RBFOX1: variants seen among roughly 807,000 people sequenced by gnomAD.
RBFOX1 encodes RNA binding fox-1 homolog 1.
RBFOX1 carries 8 observed loss-of-function variants against 57.7 expected under a neutral mutation model. The observed-to-expected ratio is 0.14, with a 90% confidence interval of 0.08 to 0.25. RBFOX1 has a LOEUF of 0.25. Among genes scored for constraint, RBFOX1 ranks in the 10% least tolerant of loss-of-function variants. The probability of loss-of-function intolerance (pLI) is 1.00; values close to 1 mark genes in which losing one functional copy is unlikely to be tolerated. For synonymous variants in RBFOX1, 326 were observed against 222.4 expected, an observed-to-expected ratio of 1.47 and a Z score of -4.15; for missense variants, 611 against 548.5, an observed-to-expected ratio of 1.11 and a Z score of -1.14.
chr16:6,093,831 G>A (rs879327695), intron 1 of RBFOX1, among the ~76,000 whole-genome samples: 3 of 151,730 alleles, frequency 2.0e-5, no homozygotes, highest in Non-Finnish European at 4.4e-5. Flanking sequence ...TGTTGCCCAG[G>A]CTGATCTCAA....
Position 6,476,213 on chromosome 16 carries a change from A to C in RBFOX1, c.-64+159156A>C, listed in dbSNP as rs546601514. The stretch of plus-strand genomic sequence containing the variant: ...AAAGAAGAAAATAATAAGCACCTAT[A>C]ATCTCACTAGCAAATACTACCCATT... On this transcript the variant is annotated intron_variant, in intron 2 of 15. Transcript: ENST00000550418. Among the ~76,000 whole-genome samples the C allele has an allele frequency of 1.3e-3, 197 of 152,306 alleles. 1 individual carries two copies. The highest frequency in any genetic ancestry group is 4.4e-3 in the African/African-American group (184 of 41,574).
chr16:7,207,291 C>T (rs558246803), intron 4 of RBFOX1, among the ~76,000 whole-genome samples: 3 of 152,262 alleles, frequency 2.0e-5, no homozygotes, highest in South Asian at 2.1e-4. Flanking sequence ...ATTCTGCTAG[C>T]TTCAGGTTGG....
intron 3 of RBFOX1, among the ~76,000 whole-genome samples, chr16:5,671,197 C>G (rs1392556386): frequency 2.0e-5 from 3 of 152,192 alleles, no homozygotes; most frequent in Non-Finnish European, 2.9e-5. Flanking sequence ...AGGAGGTTTT[C>G]TTTGAAAGTT....
chr16:6,895,936 G>GTA (rs140653522), intron 3 of RBFOX1, among the ~76,000 whole-genome samples: 73 of 151,654 alleles, frequency 4.8e-4, no homozygotes, highest in African/African-American at 1.3e-3. Flanking sequence ...TACATAGTAG[G>GTA]TATATATATA....
chr16:6,894,128 G>C (rs145757451), intron 3 of RBFOX1, among the ~76,000 whole-genome samples: 196 of 152,310 alleles, frequency 1.3e-3, no homozygotes, highest in Middle Eastern at 3.4e-3. Context: ...ATAGATTATG[G>C]ACAGAGATAG....
chr16:5,787,722 C>T (rs555131836), intron 3 of RBFOX1, among the ~76,000 whole-genome samples: 3 of 152,274 alleles, frequency 2.0e-5, no homozygotes, highest in South Asian at 2.1e-4. Context: ...GAGGGTGACA[C>T]CACCAGCCAA....
At chr16:5,858,221 G>C (rs572221556) in intron 3 of RBFOX1, among the ~76,000 whole-genome samples, 1 of 152,244 alleles carries the variant, frequency 6.6e-6, no homozygotes, top group African/African-American at 2.4e-5. Flanking sequence ...TTACCCCAAA[G>C]ACAGCAGGTT....
At chr16:5,897,373 C>A (rs1382422233) in intron 4 of RBFOX1, among the ~76,000 whole-genome samples, 2 of 152,162 alleles carry the variant, frequency 1.3e-5, no homozygotes, top group African/African-American at 4.8e-5. Flanking sequence ...TTCCACTCTG[C>A]TTTCTTTTCT....
At chr16:7,642,541 T>G (rs1026467558) in intron 11 of RBFOX1, among the ~76,000 whole-genome samples, 2 of 152,198 alleles carry the variant, frequency 1.3e-5, no homozygotes, top group African/African-American at 2.4e-5. Context: ...GGAAGCTAAT[T>G]TATCTCACTT....
chr16:5,619,678 C>T (rs1003375447), intron 3 of RBFOX1, among the ~76,000 whole-genome samples: 16 of 152,176 alleles, frequency 1.1e-4, no homozygotes, highest in Admixed American at 4.6e-4. Context: ...CTCTGCCCAG[C>T]TGTTGCCAGA....
intron 3 of RBFOX1, among the ~76,000 whole-genome samples, chr16:6,982,382 T>C (rs1265308581): frequency 1.3e-5 from 2 of 152,254 alleles, no homozygotes; most frequent in South Asian, 4.1e-4. Flanking sequence ...GTGAGAACAC[T>C]GAATATCATT....
chr16:6,795,597 C>A (rs2083821901), intron 3 of RBFOX1, among the ~76,000 whole-genome samples: 2 of 151,924 alleles, frequency 1.3e-5, no homozygotes, highest in South Asian at 4.2e-4. Context: ...GAAACCCTGT[C>A]TCTACTAAAA....
At chr16:7,542,054 G>A (rs900820457) in intron 5 of RBFOX1, among the ~76,000 whole-genome samples, 14 of 152,194 alleles carry the variant, frequency 9.2e-5, no homozygotes, top group African/African-American at 2.7e-4. Context: ...GGTACTGGCA[G>A]CTTTCGTGGG....
intron 2 of RBFOX1, among the ~76,000 whole-genome samples, chr16:5,510,605 T>G (rs1336587213): frequency 6.6e-6 from 1 of 152,024 alleles, no homozygotes; most frequent in South Asian, 2.1e-4. Context: ...TAGGGGGAGA[T>G]GAAAAATGGG....
intron 4 of RBFOX1, among the ~76,000 whole-genome samples, chr16:7,352,203 G>A (rs926993664): frequency 6.6e-6 from 1 of 152,116 alleles, no homozygotes; most frequent in East Asian, 1.9e-4. Flanking sequence ...GCAGCTTTGA[G>A]GTGGAAAACA....
chr16:6,285,656 A>G (rs2076830075), intron 1 of RBFOX1, among the ~76,000 whole-genome samples: 2 of 152,238 alleles, frequency 1.3e-5, no homozygotes, highest in South Asian at 4.1e-4. Context: ...GTTGGCTTGA[A>G]TCTGTTCCCT....
At chr16:7,181,453 A>G (rs927250154) in intron 4 of RBFOX1, among the ~76,000 whole-genome samples, 1 of 152,148 alleles carries the variant, frequency 6.6e-6, no homozygotes, top group African/African-American at 2.4e-5. Flanking sequence ...TGGTAAGGCT[A>G]GTAGTAGAAA....
chr16:6,277,458 CAAAAAAA>C (rs59733415), intron 1 of RBFOX1, among the ~76,000 whole-genome samples: 1 of 80,826 alleles, frequency 1.2e-5, no homozygotes, highest in Non-Finnish European at 2.4e-5. Flanking sequence ...GTCTGTCTCC[CAAAAAAA>C]AAAAAAAAAA....
intron 2 of RBFOX1, among the ~76,000 whole-genome samples, chr16:5,576,858 A>C (rs1239764705): frequency 6.6e-6 from 1 of 152,226 alleles, no homozygotes; most frequent in African/African-American, 2.4e-5. Flanking sequence ...TAGAGGGAAG[A>C]GATTTTTCAG....
Sources: gnomAD v4.1 joint callset for allele counts (sites outside exome capture counted in the v4.1 genomes callset) on GRCh38, gnomAD v4.1.1 for gene constraint, MANE v1.5 for transcripts, NCBI Gene and HGNC (gene_info 2026-07-23, HGNC 2026-07-21) for gene names.